The following STC1 variants were observed in gnomAD, a reference collection of about 807,000 sequenced individuals.
The protein encoded by STC1 is stanniocalcin 1.
In STC1, 7 loss-of-function variants were observed where a neutral mutation model predicts 22.6. The observed-to-expected ratio is 0.31, with a 90% confidence interval of 0.18 to 0.58. The LOEUF (loss-of-function observed/expected upper bound fraction) is 0.58, where lower values mean the gene tolerates loss of function less well. Ranked by LOEUF, STC1 falls within the 20% of genes least tolerant of loss-of-function variation. The pLI is 0.89. For missense variants in STC1, 224 were observed against 311.0 expected, an observed-to-expected ratio of 0.72 and a Z score of 2.10; for synonymous variants, 113 against 120.7, an observed-to-expected ratio of 0.94 and a Z score of 0.42.
At position 23,845,047 on chromosome 8, in the gene STC1, C is replaced by G. The variant is rs1369902705; in HGVS notation, c.474-7G>C. 6.2e-7 allele frequency: 1 copy of G among 1,613,336 alleles called. No homozygotes were observed. The highest frequency in any genetic ancestry group is 1.3e-5 in the African/African-American group (1 of 74,892). On this transcript the variant is annotated splice_polypyrimidine_tract_variant and splice_region_variant and intron_variant, in intron 3 of 3. Transcript: ENST00000290271. The stretch of plus-strand genomic sequence containing the variant: ...GACAAGTCTGTTATAGTATCTGCAT[C>G]AAGAAAGAGAGTGCATATGGTGGTC...
intron 1 of STC1, among the ~76,000 whole-genome samples, chr8:23,852,623 C>A (rs527422348): frequency 1.3e-5 from 2 of 152,122 alleles, no homozygotes; most frequent in Non-Finnish European, 2.9e-5. Flanking sequence ...TTCAGACACA[C>A]GCTCCCTGTT....
In STC1 at chr8:23,844,868, T is replaced by C; in HGVS notation, c.646A>G (p.Thr216Ala). The C allele has an allele frequency of 6.2e-7, 1 of 1,614,046 alleles. No individual in the cohort carries two copies. The change falls in exon 4 of 4, where the codon ACC (threonine) becomes GCC (alanine). Residue 216 changes from threonine to alanine, a missense_variant. Coordinates refer to ENST00000290271, the MANE Select transcript of STC1 (RefSeq NM_003155.3). The part of the protein sequence containing the change: ...HPRADFNRRR[T>A]NEPQKLKVLL... Reference sequence around the variant, plus strand: ...ACTTTCAGCTTCTGCGGCTCATTGGTGCGTCTCCTGTTGAAGTCAGCTCGT... The same window carrying C: ...ACTTTCAGCTTCTGCGGCTCATTGGCGCGTCTCCTGTTGAAGTCAGCTCGT...
At chr8:23,849,693 G>A (rs529666816) in intron 3 of STC1, among the ~76,000 whole-genome samples, 279 of 152,220 alleles carry the variant, frequency 1.8e-3, no homozygotes, top group Non-Finnish European at 2.5e-3. Flanking sequence ...GAAATATGCC[G>A]TATTATAGAT....
rs1293650156 is a variant in STC1, at chr8:23,854,680, A to ATGC, written c.-160_-158dup. On this transcript the variant is annotated 5_prime_UTR_variant, in exon 1 of 4. Transcript: ENST00000290271. ...TTTTTTTTTGTTGTTGTTGCTGGTG[A>ATGC]TGCTGCTGCTGCCACCGGTGCCTCC... 5 of 765,506 alleles carry ATGC rather than the reference A, an allele frequency of 6.5e-6. No homozygotes were observed. Among genetic ancestry groups the ATGC allele is most frequent in the Admixed American group, 5.7e-5 (3 of 52,472 alleles). 47.4% of individuals were successfully genotyped at this position (765,506 alleles called of 1,614,324 possible).
In STC1 at chr8:23,842,276, C is replaced by T. The variant is rs551811392; in HGVS notation, c.*2494G>A. The T allele has an allele frequency of 1.4e-4, 21 of 152,058 alleles. No homozygotes were observed. The highest frequency in any genetic ancestry group is 7.9e-4 in the Admixed American group (12 of 15,218). 9.4% of individuals were successfully genotyped at this position (152,058 alleles called of 1,614,324 possible). On this transcript the variant is annotated 3_prime_UTR_variant, in exon 4 of 4. Transcript: ENST00000290271. ...ATGCAAACTGGTCTAGGTCAGCCCC[C>T]GAATCACTCTGCAGCAAACACAAGA...
At chr8:23,849,878 G>C (rs1046049004) in intron 3 of STC1, among the ~76,000 whole-genome samples, 3 of 151,862 alleles carry the variant, frequency 2.0e-5, no homozygotes, top group Admixed American at 2.0e-4. Context: ...TAATTAATCA[G>C]ATCTCCCCTC....
At chr8:23,854,244 G>GCTC in intron 1 of STC1, 162 bp downstream of exon 1, 1 of 923,280 alleles carries the variant, frequency 1.1e-6, no homozygotes, top group Non-Finnish European at 1.6e-6. Flanking sequence ...AAACAAAGGA[G>GCTC]CTCCACTGCC....
chr8:23,852,531 T>C lies in STC1; in HGVS notation c.119-147A>G. On this transcript the variant is annotated intron_variant, in intron 1 of 3. Coordinates refer to ENST00000290271, the MANE Select transcript of STC1 (RefSeq NM_003155.3). ...CATGAGGGGCAATTGATAGACCCAT[T>C]TGATTGAGAAAGAGAGGATAGACAG... The C allele has an allele frequency of 3.7e-6, 3 of 805,600 alleles. No individual in the cohort carries two copies. The South Asian group carries it at 5.7e-5, about 15-fold the overall frequency. The allele number at this position is 805,600 out of a possible 1,614,324, so 49.9% of individuals were successfully genotyped here. A position where few individuals can be genotyped will look rare whatever the true frequency, so the allele number is the denominator to read the frequency against.
rs1260315656 is a variant in STC1 at position 23,844,815 on chromosome 8, C to T, written c.699G>A (p.Glu233=). 2 of 1,614,084 alleles carry T rather than the reference C, an allele frequency of 1.2e-6. No homozygotes were observed. The highest frequency in any genetic ancestry group is 2.2e-5 in the South Asian group (2 of 91,082). The change falls in exon 4 of 4, where the codon GAG becomes GAA. Residue 233 remains glutamate (E), a synonymous_variant. Transcript: ENST00000290271. ...KVLLRNLRGE[E]DSPSHIKRTS... is the part of the protein sequence containing the mutation. ...TGCGTTTGATGTGGGAGGGAGAGTC[C>T]TCCTCACCTCGGAGGTTCCTGAGGA...
intron 1 of STC1, among the ~76,000 whole-genome samples, chr8:23,853,440 T>G (rs902822971): frequency 2.0e-5 from 3 of 152,224 alleles, no homozygotes; most frequent in African/African-American, 7.2e-5. Context: ...GCTCGAATTG[T>G]GAATCACTGC....
chr8:23,847,496 G>A (rs1802586831), intron 3 of STC1, among the ~76,000 whole-genome samples: 2 of 152,218 alleles, frequency 1.3e-5, no homozygotes, highest in South Asian at 2.1e-4. Flanking sequence ...AGGGCAGGCT[G>A]AGAAAGCTCT....
At chr8:23,848,307 G>T (rs1802596089) in intron 3 of STC1, among the ~76,000 whole-genome samples, 1 of 152,070 alleles carries the variant, frequency 6.6e-6, no homozygotes. Flanking sequence ...CAAGATGGGT[G>T]GATCACCTGA....
At position 23,847,585 on chromosome 8, in the gene STC1, A is replaced by G. The variant is rs555518084; in HGVS notation, c.474-2545T>C. 2.9e-4 allele frequency among the ~76,000 whole-genome samples: 44 copies of G among 152,344 alleles called. 1 individual carries two copies. Among genetic ancestry groups the G allele is most frequent in the African/African-American group, 1.0e-3 (42 of 41,574 alleles). ...AAATTTGTCAGGATTATTTGATGTC[A>G]CCAGTTTCTCAGTATGAGCAATAGG... On this transcript the variant is annotated intron_variant, in intron 3 of 3. Coordinates refer to ENST00000290271, the MANE Select transcript of STC1 (RefSeq NM_003155.3).
rs2117747542 is a variant in STC1 at position 23,854,716 on chromosome 8, CTG to C, written c.-195_-194del. On this transcript the variant is annotated 5_prime_UTR_variant, in exon 1 of 4. Transcript: ENST00000290271. ...GCCACCGGTGCCTCCGCTGCTGCTGCTGCTGCCGCCGCTGCTGCTGCTGCTGC... is the reference window on the plus strand; with the variant it reads ...GCCACCGGTGCCTCCGCTGCTGCTGCCTGCCGCCGCTGCTGCTGCTGCTGC... 2 of 677,034 alleles carry C rather than the reference CTG, an allele frequency of 3.0e-6. No homozygotes were observed. Among genetic ancestry groups the C allele is most frequent in the African/African-American group, 1.8e-5 (1 of 55,672 alleles). 41.9% of individuals were successfully genotyped at this position (677,034 alleles called of 1,614,324 possible).
In STC1 at chr8:23,849,813, C is replaced by T. The variant is rs1480317812; in HGVS notation, c.473+1507G>A. On this transcript the variant is annotated intron_variant, in intron 3 of 3. Coordinates refer to ENST00000290271, the MANE Select transcript of STC1 (RefSeq NM_003155.3). ...ACAAACACATACTTTGTCCTTAGCC[C>T]CTGTCTGGCTAAGAATTCTTCATTT... 2.6e-5 allele frequency among the ~76,000 whole-genome samples: 4 copies of T among 152,086 alleles called. No homozygotes were observed. The South Asian group carries it at 8.3e-4, about 32-fold the overall frequency.
intron 3 of STC1, among the ~76,000 whole-genome samples, chr8:23,849,409 A>AC (rs1554520398): frequency 2.0e-5 from 3 of 150,568 alleles, no homozygotes; most frequent in African/African-American, 7.3e-5. Flanking sequence ...GGCTGGCCAC[A>AC]TTTTTTTTTT....
intron 3 of STC1, among the ~76,000 whole-genome samples, chr8:23,847,081 G>C (rs934476982): frequency 6.6e-6 from 1 of 152,202 alleles, no homozygotes; most frequent in Admixed American, 6.5e-5. Flanking sequence ...TCCATTTCTA[G>C]AAAGAGCTGT....
chr8:23,854,236 A>G, intron 1 of STC1, 170 bp downstream of exon 1: 1 of 964,964 alleles, frequency 1.0e-6, no homozygotes, highest in Non-Finnish European at 1.5e-6. Flanking sequence ...AATTTATTAA[A>G]CAAAGGAGCT....
At chr8:23,853,357 T>C (rs543058475) in intron 1 of STC1, among the ~76,000 whole-genome samples, 15 of 152,312 alleles carry the variant, frequency 9.8e-5, no homozygotes, top group Admixed American at 2.6e-4. Flanking sequence ...AATTATATAT[T>C]TCCACGGGTT....
Sources: gnomAD v4.1 joint callset for allele counts (sites outside exome capture counted in the v4.1 genomes callset) on GRCh38, gnomAD v4.1.1 for gene constraint, MANE v1.5 for transcripts, NCBI Gene and HGNC (gene_info 2026-07-23, HGNC 2026-07-21) for gene names.